SBF2: variants seen among roughly 807,000 people sequenced by gnomAD.
The protein encoded by SBF2 is myotubularin-related protein 13.
In SBF2, 112 loss-of-function variants were observed where a neutral mutation model predicts 225.2. That is an observed-to-expected ratio of 0.50 (90% CI 0.43 to 0.58). SBF2 has a LOEUF of 0.58. SBF2 is among the 20% of genes least tolerant of loss of function. The pLI is 0.00. For missense variants in SBF2, 1,996 were observed against 2,206.2 expected, an observed-to-expected ratio of 0.90 and a Z score of 1.91; for synonymous variants, 763 against 773.3, an observed-to-expected ratio of 0.99 and a Z score of 0.22.
At chr11:10,266,776 G>GTAGTTGGTTTTGGCCAAAGGAAACA (rs1962035451) in intron 1 of SBF2, among the ~76,000 whole-genome samples, 1 of 152,172 alleles carries the variant, frequency 6.6e-6, no homozygotes, top group African/African-American at 2.4e-5. Flanking sequence ...CAAAGGAAAC[G>GTAGTTGGTTTTGGCCAAAGGAAACA]TAGTTGATTT....
chr11:10,172,007 T>C (rs1228276492), intron 2 of SBF2, among the ~76,000 whole-genome samples: 1 of 152,312 alleles, frequency 6.6e-6, no homozygotes, highest in East Asian at 1.9e-4. Flanking sequence ...TTTTAATCTC[T>C]GGTTTTATTT....
chr11:9,835,289 T>A (rs1335733130), intron 26 of SBF2, among the ~76,000 whole-genome samples: 1 of 152,042 alleles, frequency 6.6e-6, no homozygotes, highest in Non-Finnish European at 1.5e-5. Context: ...ATCTAGTATT[T>A]CCTCCAAGTC....
chr11:10,276,011 G>GA (rs902522496), intron 1 of SBF2, among the ~76,000 whole-genome samples: 2 of 151,888 alleles, frequency 1.3e-5, no homozygotes, highest in Non-Finnish European at 2.9e-5. Context: ...CAAGAAGCTT[G>GA]AAAAAAAGCA....
chr11:9,865,710 AAAAAAAG>A (rs1401052683), intron 17 of SBF2, among the ~76,000 whole-genome samples: 2,004 of 139,608 alleles, frequency 0.014, 210 homozygotes, highest in African/African-American at 0.058. Flanking sequence ...AAAAAAAAAA[AAAAAAAG>A]GCGGGAGGCG....
At chr11:9,889,922 G>C (rs192869080) in intron 17 of SBF2, among the ~76,000 whole-genome samples, 3 of 152,070 alleles carry the variant, frequency 2.0e-5, no homozygotes, top group African/African-American at 4.8e-5. Context: ...TTTTATTTTT[G>C]AGACGGAGTC....
Position 9,840,030 on chromosome 11 carries a change from C to A in SBF2, c.3257-334G>T, listed in dbSNP as rs147122974. 3.3e-3 allele frequency among the ~76,000 whole-genome samples: 506 copies of A among 152,228 alleles called. 3 individuals are homozygous for A. The highest frequency in any genetic ancestry group is 5.2e-3 in the South Asian group (25 of 4,824). On this transcript the variant is annotated intron_variant, in intron 25 of 39. Coordinates refer to ENST00000256190, the MANE Select transcript of SBF2 (RefSeq NM_030962.4). ...TGGGCGGATCACAAGGTCAGGAGTTCGAGAGCAGCCTGACCAACATGGTGA... is the reference window on the plus strand; with the variant it reads ...TGGGCGGATCACAAGGTCAGGAGTTAGAGAGCAGCCTGACCAACATGGTGA...
At chr11:10,247,166 C>T (rs980008983) in intron 1 of SBF2, among the ~76,000 whole-genome samples, 13 of 152,056 alleles carry the variant, frequency 8.5e-5, no homozygotes, top group Non-Finnish European at 1.5e-4. Flanking sequence ...CTTTCCCAGC[C>T]AGCACATTAT....
chr11:9,996,861 G>C lies in SBF2; in HGVS notation c.975+1405C>G, dbSNP rs181781483. 3.9e-5 allele frequency among the ~76,000 whole-genome samples: 6 copies of C among 152,258 alleles called. No individual in the cohort carries two copies. The East Asian group carries it at 1.2e-3, about 29-fold the overall frequency. Reference sequence around the variant, plus strand: ...CTTCATTTTGGCAAACAATCACCTAGTCATCTCTGTAAAAACATTCAACCT... The same window carrying C: ...CTTCATTTTGGCAAACAATCACCTACTCATCTCTGTAAAAACATTCAACCT... On this transcript the variant is annotated intron_variant, in intron 9 of 39. Transcript: ENST00000256190.
At chr11:10,068,363 AG>A (rs1485644441) in intron 2 of SBF2, among the ~76,000 whole-genome samples, 1 of 152,212 alleles carries the variant, frequency 6.6e-6, no homozygotes, top group Non-Finnish European at 1.5e-5. Context: ...CCTCTGGCTA[AG>A]GGTCCTACAT....
chr11:9,918,323 C>T (rs1863287007), intron 16 of SBF2, among the ~76,000 whole-genome samples: 1 of 152,050 alleles, frequency 6.6e-6, no homozygotes, highest in Non-Finnish European at 1.5e-5. Context: ...TTAGCTTTCC[C>T]ATGTCTACTA....
intron 6 of SBF2, among the ~76,000 whole-genome samples, chr11:10,017,579 T>C (rs575498838): frequency 6.6e-6 from 1 of 152,328 alleles, no homozygotes; most frequent in South Asian, 2.1e-4. Flanking sequence ...AGGTAATGTT[T>C]ACTATCTGTT....
chr11:9,900,856 C>A (rs1396954595), intron 16 of SBF2, among the ~76,000 whole-genome samples: 25 of 152,184 alleles, frequency 1.6e-4, no homozygotes, highest in Non-Finnish European at 2.9e-5. Flanking sequence ...CCTGCCTCAG[C>A]CTTCCAAGTA....
chr11:9,788,926 C>T (rs1244021617), intron 35 of SBF2, among the ~76,000 whole-genome samples, 183 bp downstream of exon 35: 1 of 152,076 alleles, frequency 6.6e-6, no homozygotes, highest in Non-Finnish European at 1.5e-5. Context: ...TTTATTGAGA[C>T]TCTTTTCCAG....
intron 16 of SBF2, among the ~76,000 whole-genome samples, chr11:9,906,718 T>A (rs991667497): frequency 1.3e-5 from 2 of 152,294 alleles, no homozygotes; most frequent in African/African-American, 4.8e-5. Context: ...CAATCTGAAG[T>A]CCCCTGTGCT....
chr11:10,133,502 A>T lies in SBF2; in HGVS notation c.141+60400T>A, dbSNP rs370624358. 2.2e-5 allele frequency among the ~76,000 whole-genome samples: 3 copies of T among 136,428 alleles called. 1 individual carries two copies. The South Asian group carries it at 7.1e-4, about 32-fold the overall frequency. 89.5% of individuals were successfully genotyped at this position (136,428 alleles called of 152,430 possible). On this transcript the variant is annotated intron_variant, in intron 2 of 39. Coordinates refer to ENST00000256190, the MANE Select transcript of SBF2 (RefSeq NM_030962.4). ...AAATCGAACGCAGTGCCGGTGGGCC[A>T]GCACTGCTGGGGGACTCAGTACACC...
At chr11:9,858,175 A>G in intron 18 of SBF2, 51 bp downstream of exon 18, 2 of 1,607,592 alleles carry the variant, frequency 1.2e-6, no homozygotes, top group Non-Finnish European at 1.7e-6. Context: ...TGCTTTCCTT[A>G]AAGCCAGAAT....
intron 2 of SBF2, among the ~76,000 whole-genome samples, chr11:10,098,123 T>C (rs1952109203): frequency 6.6e-6 from 1 of 151,836 alleles, no homozygotes; most frequent in Non-Finnish European, 1.5e-5. Context: ...TGCACCCCTC[T>C]CTCCTGTACA....
intron 19 of SBF2, among the ~76,000 whole-genome samples, chr11:9,854,718 A>T (rs981898692): frequency 6.6e-6 from 1 of 152,140 alleles, no homozygotes; most frequent in Non-Finnish European, 1.5e-5. Context: ...TCAGCCTCTC[A>T]AGTGGCTAGG....
chr11:9,942,891 AAGAG>A (rs754405397), intron 16 of SBF2, among the ~76,000 whole-genome samples: 25 of 65,432 alleles, frequency 3.8e-4, no homozygotes, highest in African/African-American at 6.3e-4. Context: ...AAAGAAAAGA[AAGAG>A]AGAGAGAGAA....
Sources: gnomAD v4.1 joint callset for allele counts (sites outside exome capture counted in the v4.1 genomes callset) on GRCh38, gnomAD v4.1.1 for gene constraint, MANE v1.5 for transcripts, NCBI Gene and HGNC (gene_info 2026-07-23, HGNC 2026-07-21) for gene names.